Variants in RADIL observed in about 807,000 individuals in gnomAD.
RADIL encodes the protein Rap associating with DIL domain, also known as ras-associating and dilute domain-containing protein.
A neutral mutation model predicts 97.6 loss-of-function variants in RADIL; 99 were observed. That is an observed-to-expected ratio of 1.01 (90% CI 0.86 to 1.20). The LOEUF (loss-of-function observed/expected upper bound fraction) is 1.20. Ranked by LOEUF, RADIL falls within the 50% of genes most tolerant of loss-of-function variation. The probability of loss-of-function intolerance (pLI) is 0.00; values close to 1 mark genes in which losing one functional copy is unlikely to be tolerated. For synonymous variants in RADIL, 803 were observed against 691.8 expected, an observed-to-expected ratio of 1.16 and a Z score of -2.52; for missense variants, 1,765 against 1,498.9, an observed-to-expected ratio of 1.18 and a Z score of -2.93.
chr7:4,859,440 G>C (rs916737876), intron 2 of RADIL: 2 of 158,586 alleles, frequency 1.3e-5, no homozygotes, highest in Admixed American at 6.1e-5. Context: ...GTAGTCCTTT[G>C]AAATAGTTAA....
intron 2 of RADIL, among the ~76,000 whole-genome samples, chr7:4,848,203 T>A (rs1583304652): frequency 7.4e-6 from 1 of 135,354 alleles, no homozygotes; most frequent in African/African-American, 3.0e-5. Flanking sequence ...GGTGACTGAG[T>A]GAGACCCCGT....
chr7:4,832,596 G>A (rs1487628801), intron 4 of RADIL, among the ~76,000 whole-genome samples: 5 of 151,940 alleles, frequency 3.3e-5, no homozygotes, highest in South Asian at 2.1e-4. Context: ...AAAATTAGCC[G>A]GGTGTGGTGG....
At chr7:4,832,893 C>G (rs1342924402) in intron 4 of RADIL, among the ~76,000 whole-genome samples, 3 of 152,140 alleles carry the variant, frequency 2.0e-5, no homozygotes, top group Non-Finnish European at 4.4e-5. Context: ...GTTGCACATT[C>G]TCAGGAAACA....
intron 4 of RADIL, among the ~76,000 whole-genome samples, chr7:4,833,126 C>T (rs549773235): frequency 4.6e-5 from 7 of 152,146 alleles, no homozygotes; most frequent in South Asian, 2.1e-4. Context: ...AGCCACACAG[C>T]GAGCCCCAGG....
At chr7:4,800,907 C>G (rs751867248) in intron 12 of RADIL, among the ~76,000 whole-genome samples, 3 of 152,218 alleles carry the variant, frequency 2.0e-5, no homozygotes, top group African/African-American at 4.8e-5. Context: ...GCACACGCAC[C>G]CAGGACACTT....
In RADIL at chr7:4,834,461, G is replaced by A; in HGVS notation, c.1416+146C>T. 1 of 961,506 alleles carries A rather than the reference G, an allele frequency of 1.0e-6. No individual in the cohort carries two copies. The highest frequency in any genetic ancestry group is 1.3e-6 in the Non-Finnish European group (1 of 741,856). The allele number at this position is 961,506 out of a possible 1,614,324, so 59.6% of individuals were successfully genotyped here. ...CCTGTGGGGCTGGGGGGCAGCGACAGGCAGGGAAAGGCCGCCCTGCGCTCA... is the reference window on the plus strand; with the variant it reads ...CCTGTGGGGCTGGGGGGCAGCGACAAGCAGGGAAAGGCCGCCCTGCGCTCA... On this transcript the variant is annotated intron_variant, in intron 4 of 14. Coordinates refer to ENST00000399583, the MANE Select transcript of RADIL (RefSeq NM_018059.5). The surrounding 1 kb of genome is among the most constrained non-coding windows in gnomAD (Gnocchi z 6.0).
Position 4,805,618 on chromosome 7 carries a change from G to T in RADIL, c.2238C>A (p.Pro746=). 6.2e-7 allele frequency: 1 copy of T among 1,611,698 alleles called. No individual in the cohort carries two copies. Among genetic ancestry groups the T allele is most frequent in the South Asian group, 1.1e-5 (1 of 91,062 alleles). ...THYQLASAMG[P]MSTWEPGAQD... is the part of the protein sequence containing the mutation. ...GGGCCCCTGGCTCCCAGGTGCTCAT[G>T]GGGCCCATGGCCGAGGCCAGCTGGT... The change falls in exon 10 of 15, where the codon CCC becomes CCA. Residue 746 remains proline (P), a synonymous_variant. Coordinates refer to ENST00000399583, the MANE Select transcript of RADIL (RefSeq NM_018059.5).
rs1017608995 is a variant in RADIL at position 4,813,501 on chromosome 7, C to T, written c.2139+1777G>A. 6.6e-6 allele frequency among the ~76,000 whole-genome samples: 1 copy of T among 152,220 alleles called. No homozygotes were observed. Among genetic ancestry groups the T allele is most frequent in the Admixed American group, 6.5e-5 (1 of 15,278 alleles). On this transcript the variant is annotated intron_variant, in intron 9 of 14. Coordinates refer to ENST00000399583, the MANE Select transcript of RADIL (RefSeq NM_018059.5). The surrounding 1 kb of genome is among the most constrained non-coding windows in gnomAD (Gnocchi z 5.0). ...GCCATGCAATTCAGGCCCCTGAAGT[C>T]TCTGAGCTTGCCTCCCTCCTGTGAG...
chr7:4,801,843 T>G lies in RADIL; in HGVS notation c.2652A>C (p.Gln884His), dbSNP rs757323491. Residue 884 changes from glutamine (Q) to histidine (H), a missense_variant, in exon 12 of 15, where the codon CAA (glutamine) becomes CAC (histidine). By Grantham distance (24) the Gln-to-His change is conservative. Coordinates refer to ENST00000399583, the MANE Select transcript of RADIL (RefSeq NM_018059.5). ...CAGCCTGGGAGCCCCCACGGCTGGG[T>G]TGCCTTCCAGGGGGGGCCTGTGCCC... ...APWAQAPPGR[Q>H]PSRGGSQAGP... 1.8e-5 allele frequency: 29 copies of G among 1,599,726 alleles called. No individual in the cohort carries two copies. The highest frequency in any genetic ancestry group is 2.6e-6 in the Non-Finnish European group (3 of 1,174,104).
chr7:4,838,799 G>T (rs536882006), intron 2 of RADIL, among the ~76,000 whole-genome samples: 4 of 152,356 alleles, frequency 2.6e-5, no homozygotes, highest in East Asian at 1.9e-4. Flanking sequence ...GTGCAGGTGT[G>T]GGGGAGGTGA....
chr7:4,862,055 C>T (rs1431114357), intron 2 of RADIL: 1 of 385,138 alleles, frequency 2.6e-6, no homozygotes, highest in Non-Finnish European at 4.6e-6. Flanking sequence ...GGCGCCTGCG[C>T]ACCCGCCGCC....
rs1344260148 is a variant in RADIL at position 4,879,177 on chromosome 7, C to T, written c.-64-974G>A. Among the ~76,000 whole-genome samples the T allele has an allele frequency of 6.6e-6, 1 of 152,220 alleles. No individual in the cohort carries two copies. Among genetic ancestry groups the T allele is most frequent in the African/African-American group, 2.4e-5 (1 of 41,456 alleles). ...CCGCCCACCACAGGCCGCGGGTGCCCGGCGCTCCAGGCCACAGAGATGCAG... is the reference window on the plus strand; with the variant it reads ...CCGCCCACCACAGGCCGCGGGTGCCTGGCGCTCCAGGCCACAGAGATGCAG... On this transcript the variant is annotated intron_variant, in intron 1 of 14. Transcript: ENST00000399583. The surrounding 1 kb of genome is among the most constrained non-coding windows in gnomAD (Gnocchi z 4.1).
chr7:4,800,180 G>A lies in RADIL; in HGVS notation c.2973C>T (p.Ile991=), dbSNP rs369297672. ...RGPSGLGMGL[I]DGMHTHLGAP... ...GTCCTGGGCCACTCACCATCCCGTC[G>A]ATCAGGCCCATCCCCAGCCCGGAGG... Residue 991 remains isoleucine (I), a synonymous_variant, in exon 13 of 15, where the codon ATC becomes ATT. Transcript: ENST00000399583. 1.5e-4 allele frequency: 245 copies of A among 1,608,520 alleles called. 6 individuals carry two copies. The South Asian group carries it at 2.2e-3, about 14-fold the overall frequency.
At chr7:4,810,019 T>G (rs1782494405) in intron 9 of RADIL, among the ~76,000 whole-genome samples, 1 of 152,174 alleles carries the variant, frequency 6.6e-6, no homozygotes, top group African/African-American at 2.4e-5. Flanking sequence ...CATGCCTGGC[T>G]AGTTTTTCTA....
At chr7:4,862,335 C>A (rs1000684883) in intron 2 of RADIL, among the ~76,000 whole-genome samples, 1 of 152,226 alleles carries the variant, frequency 6.6e-6, no homozygotes, top group Non-Finnish European at 1.5e-5. Flanking sequence ...AAGACCCCTT[C>A]GTGGTGGGAA....
intron 2 of RADIL, among the ~76,000 whole-genome samples, chr7:4,864,451 A>G (rs547075969): frequency 2.0e-5 from 3 of 152,366 alleles, no homozygotes; most frequent in East Asian, 3.8e-4. Context: ...AGATTAATTC[A>G]TATTTTAATC....
rs568077545 is a variant in RADIL at position 4,836,461 on chromosome 7, G to C, written c.680C>G (p.Pro227Arg). 28 of 1,604,388 alleles carry C rather than the reference G, an allele frequency of 1.7e-5. No homozygotes were observed. Among genetic ancestry groups the C allele is most frequent in the Non-Finnish European group, 2.4e-5 (28 of 1,175,960 alleles). ...ETSLSPVNAL[P>R]AAAQGPEEPG... is the part of the protein sequence containing the mutation. ...CTCCTCGGGGCCCTGGGCGGCAGCG[G>C]GCAGGGCGTTCACTGGGCTCAGGCT... is the stretch of plus-strand genomic sequence containing the variant. The change falls in exon 3 of 15, where the codon CCC (proline) becomes CGC (arginine). Residue 227 changes from proline (P) to arginine (R), a missense_variant. Physicochemically the swap from Pro to Arg is moderately radical, Grantham distance 103. Transcript: ENST00000399583.
Position 4,837,928 on chromosome 7 carries a change from T to G in RADIL, c.536-1323A>C, listed in dbSNP as rs1783344340. 5 of 985,350 alleles carry G rather than the reference T, an allele frequency of 5.1e-6. No homozygotes were observed. In the African/African-American group the frequency reaches 7.0e-5, roughly 14 times the overall value. The allele number at this position is 985,350 out of a possible 1,614,324, so 61.0% of individuals were successfully genotyped here. On this transcript the variant is annotated intron_variant, in intron 2 of 14. Transcript: ENST00000399583. This position sits in a 1 kb window ranked among gnomAD's most constrained non-coding sequence, Gnocchi z 5.6. ...GATCCATCCCCATCTGTGGCGGCCT[T>G]TCCTCCAACCATTCCCAATAAAACC...
At position 4,880,042 on chromosome 7, in the gene RADIL, G is replaced by T. The variant is rs924622918; in HGVS notation, c.-64-1839C>A. ...GGACGTCTGCCCTGCGGGGTGGGTGGCTGGCCCTTCTCCTGTTCCTATAGC... is the reference window on the plus strand; with the variant it reads ...GGACGTCTGCCCTGCGGGGTGGGTGTCTGGCCCTTCTCCTGTTCCTATAGC... On this transcript the variant is annotated intron_variant, in intron 1 of 14. Coordinates refer to ENST00000399583, the MANE Select transcript of RADIL (RefSeq NM_018059.5). The surrounding 1 kb of genome is among the most constrained non-coding windows in gnomAD (Gnocchi z 4.5). Among the ~76,000 whole-genome samples, 2 of 152,162 alleles carry T rather than the reference G, an allele frequency of 1.3e-5. No homozygotes were observed. The highest frequency in any genetic ancestry group is 4.8e-5 in the African/African-American group (2 of 41,460).
Sources: gnomAD v4.1 joint callset for allele counts (sites outside exome capture counted in the v4.1 genomes callset) on GRCh38, gnomAD v4.1.1 for gene constraint, Gnocchi (gnomAD v3.1) non-coding constraint, MANE v1.5 for transcripts, NCBI Gene and HGNC (gene_info 2026-07-23, HGNC 2026-07-21) for gene names.